PKIG: variants seen among roughly 807,000 people sequenced by gnomAD.
PKIG encodes protein kinase (cAMP-dependent, catalytic) inhibitor gamma.
PKIG carries 1 observed loss-of-function variant against 6.8 expected under a neutral mutation model. The ratio of observed to expected loss-of-function variants is 0.15; its 90% confidence interval spans 0.05 to 0.69. The LOEUF is 0.69. PKIG is among the 30% of genes least tolerant of loss of function. The pLI, the probability that PKIG is intolerant of heterozygous loss-of-function variation, is 0.82. For missense variants in PKIG, 77 were observed against 104.0 expected (o/e 0.74, Z 1.13); for synonymous variants, 39 against 43.0 (o/e 0.91, Z 0.36).
At chr20:44,532,124 G>T (rs1428241681) in intron 1 of PKIG, 1 of 152,222 alleles carries the variant, frequency 6.6e-6, no homozygotes, top group African/African-American at 2.4e-5. Flanking sequence ...GCCGGGGACG[G>T]CGCCCCCGAC....
chr20:44,590,399 C>G (rs2065024883), intron 2 of PKIG, among the ~76,000 whole-genome samples: 1 of 152,208 alleles, frequency 6.6e-6, no homozygotes, highest in African/African-American at 2.4e-5. Flanking sequence ...CAGCTGAGAA[C>G]AAATTGCCAT....
intron 1 of PKIG, among the ~76,000 whole-genome samples, chr20:44,542,513 A>G (rs1180091400): frequency 6.6e-6 from 1 of 152,084 alleles, no homozygotes; most frequent in Non-Finnish European, 1.5e-5. Flanking sequence ...CTTAACTTTC[A>G]TTGGTTTTTG....
chr20:44,600,664 C>T (rs951882980), intron 2 of PKIG, among the ~76,000 whole-genome samples: 3 of 150,916 alleles, frequency 2.0e-5, no homozygotes, highest in African/African-American at 2.4e-5. Flanking sequence ...TGGGCAGCAT[C>T]GTAAGACCCT....
intron 1 of PKIG, among the ~76,000 whole-genome samples, chr20:44,546,694 A>G (rs1345185215): frequency 6.6e-6 from 1 of 151,936 alleles, no homozygotes; most frequent in Non-Finnish European, 1.5e-5. Context: ...CTGGGACTAC[A>G]GGCATGCACC....
In PKIG at chr20:44,614,619, T is replaced by C. The variant is rs1393428281; in HGVS notation, c.63T>C (p.Asn21=). The C allele has an allele frequency of 6.2e-7, 1 of 1,614,088 alleles. No homozygotes were observed. Residue 21 remains asparagine (N), a synonymous_variant, in exon 3 of 4, where the codon AAT becomes AAC. Coordinates refer to ENST00000372886, the MANE Select transcript of PKIG (RefSeq NM_001281445.2). This position sits in a 1 kb window ranked among gnomAD's most constrained non-coding sequence, Gnocchi z 4.6. ...CCTGTGACCGGACAGGCCGTCGGAA[T>C]GCGGTCCCTGACATCCAGGGAGACT... ...FISCDRTGRR[N]AVPDIQGDSE...
intron 1 of PKIG, among the ~76,000 whole-genome samples, chr20:44,588,395 A>G (rs1323676873): frequency 1.3e-5 from 2 of 151,808 alleles, no homozygotes; most frequent in African/African-American, 4.8e-5. Flanking sequence ...TAATCCCAAC[A>G]CTTTGGGAGG....
At chr20:44,557,537 AAG>A (rs2064724318) in intron 1 of PKIG, among the ~76,000 whole-genome samples, 1 of 149,804 alleles carries the variant, frequency 6.7e-6, no homozygotes, top group Admixed American at 6.7e-5. Flanking sequence ...AAAAAAAAAA[AAG>A]GCCAGGTGCG....
chr20:44,606,046 T>G (rs1045997932), intron 2 of PKIG, among the ~76,000 whole-genome samples: 1 of 152,156 alleles, frequency 6.6e-6, no homozygotes, highest in Non-Finnish European at 1.5e-5. Context: ...TATAAAAATA[T>G]GTATGTGGGG....
At chr20:44,609,096 A>G (rs946916928) in intron 2 of PKIG, among the ~76,000 whole-genome samples, 2 of 152,198 alleles carry the variant, frequency 1.3e-5, no homozygotes, top group Non-Finnish European at 2.9e-5. Context: ...AGTGACGAAT[A>G]TAAATATGGG....
chr20:44,586,358 G>T (rs1395197894), intron 1 of PKIG, among the ~76,000 whole-genome samples: 2 of 152,216 alleles, frequency 1.3e-5, no homozygotes, highest in Non-Finnish European at 2.9e-5. Flanking sequence ...ATTTGCATGA[G>T]GAACCAGAAG....
chr20:44,560,928 G>A (rs936555573), intron 1 of PKIG, among the ~76,000 whole-genome samples: 1 of 152,180 alleles, frequency 6.6e-6, no homozygotes, highest in African/African-American at 2.4e-5. Flanking sequence ...ACCATGAAAA[G>A]AATTAGCAAA....
intron 1 of PKIG, among the ~76,000 whole-genome samples, chr20:44,584,728 T>C (rs1312477441): frequency 6.6e-6 from 1 of 151,692 alleles, no homozygotes; most frequent in Non-Finnish European, 1.5e-5. Context: ...ACTTCTTTTT[T>C]TTTTTTTTTG....
rs1444406024 is a variant in PKIG, at chr20:44,618,329, C to T, written c.196C>T (p.Gln66Ter). 6.2e-7 allele frequency: 1 copy of T among 1,613,526 alleles called. No individual in the cohort carries two copies. The highest frequency in any genetic ancestry group is 1.3e-5 in the African/African-American group (1 of 74,926). Reference sequence around the variant, plus strand: ...CGCCCCAGACAAGGAAGCTGGCAACCAGCCCCAGAGCAGCGATGGGACCAC... The same window carrying T: ...CGCCCCAGACAAGGAAGCTGGCAACTAGCCCCAGAGCAGCGATGGGACCAC... ...GSAPDKEAGN[Q>*]PQSSDGTTSS is the part of the protein sequence containing the mutation. Residue 66 changes from glutamine to a stop codon, truncating the protein, a stop_gained, in exon 4 of 4, where the codon CAG becomes TAG. Coordinates refer to ENST00000372886, the MANE Select transcript of PKIG (RefSeq NM_001281445.2). LOFTEE classifies it high-confidence loss of function.
intron 2 of PKIG, among the ~76,000 whole-genome samples, chr20:44,604,107 G>C (rs1388858928): frequency 2.0e-5 from 3 of 152,222 alleles, no homozygotes; most frequent in African/African-American, 7.2e-5. Context: ...AGACTGGATA[G>C]AGATGATGAA....
At chr20:44,556,801 A>C (rs1336159497) in intron 1 of PKIG, among the ~76,000 whole-genome samples, 1 of 152,256 alleles carries the variant, frequency 6.6e-6, no homozygotes, top group East Asian at 1.9e-4. Flanking sequence ...TTGGTATGTA[A>C]AAATAATACT....
intron 1 of PKIG, among the ~76,000 whole-genome samples, chr20:44,586,843 T>C (rs562060427): frequency 7.2e-5 from 11 of 152,360 alleles, no homozygotes; most frequent in African/African-American, 1.2e-4. Flanking sequence ...CTATGCTGAC[T>C]GATTATGAAT....
upstream of PKIG, among the ~76,000 whole-genome samples, chr20:44,579,285 C>T (rs244110): frequency 3.1e-3 from 477 of 152,272 alleles, 1 homozygote; most frequent in African/African-American, 0.011. Context: ...AGGAGAGACC[C>T]CTTCTAAACT....
intron 1 of PKIG, among the ~76,000 whole-genome samples, chr20:44,549,329 C>T (rs921848407): frequency 1.3e-5 from 2 of 152,106 alleles, no homozygotes; most frequent in Admixed American, 1.3e-4. Flanking sequence ...TCATTTGGTC[C>T]CAGTGACATA....
At chr20:44,585,314 C>T (rs955391055) in intron 1 of PKIG, 6 of 152,408 alleles carry the variant, frequency 3.9e-5, no homozygotes, top group South Asian at 4.2e-4. Context: ...CAGTCACTCC[C>T]GGCAGTGAGT....
Sources: gnomAD v4.1 joint callset for allele counts (sites outside exome capture counted in the v4.1 genomes callset) on GRCh38, gnomAD v4.1.1 for gene constraint, Gnocchi (gnomAD v3.1) non-coding constraint, MANE v1.5 for transcripts, NCBI Gene and HGNC (gene_info 2026-07-23, HGNC 2026-07-21) for gene names.